Variants in FBN3 observed in about 807,000 individuals in gnomAD.
FBN3 encodes the protein fibrillin-3.
A neutral mutation model predicts 330.1 loss-of-function variants in FBN3; 234 were observed. The ratio of observed to expected loss-of-function variants is 0.71; its 90% CI spans 0.64 to 0.79. FBN3 has a LOEUF of 0.79. Among genes scored for constraint, FBN3 ranks in the 30% least tolerant of loss-of-function variants. The pLI, the probability that FBN3 is intolerant of heterozygous loss-of-function variation, is 0.00. For missense variants in FBN3, 3,606 were observed against 3,886.9 expected (o/e 0.93, Z 1.92); for synonymous variants, 1,458 against 1,517.3 (o/e 0.96, Z 0.91).
chr19:8,125,504 G>A (rs2082955848), intron 22 of FBN3, among the ~76,000 whole-genome samples: 1 of 151,994 alleles, frequency 6.6e-6, no homozygotes, highest in Non-Finnish European at 1.5e-5. Context: ...AATCTCTCCT[G>A]TTCAGGCCAG....
rs748512003 is a variant in FBN3, at chr19:8,087,833, A to G, written c.6611T>C (p.Met2204Thr). Residue 2204 changes from methionine to threonine, a missense_variant, in exon 53 of 64, where the codon ATG (methionine) becomes ACG (threonine). Physicochemically the swap from Met to Thr is moderately conservative, Grantham distance 81. Coordinates refer to ENST00000600128, the MANE Select transcript of FBN3 (RefSeq NM_032447.5). The stretch of plus-strand genomic sequence containing the variant: ...ATATTAGTCAGGCCTACCTCGACAC[A>G]TGGCCCCATCCTCCCGCAGGGTGTA... ...AGYTLREDGA[M>T]CRDVDECADG... The G allele has an allele frequency of 1.2e-6, 2 of 1,613,892 alleles. No homozygotes were observed. Among genetic ancestry groups the G allele is most frequent in the East Asian group, 2.2e-5 (1 of 44,862 alleles).
At chr19:8,145,653 C>A (rs970268521) in intron 5 of FBN3, among the ~76,000 whole-genome samples, 190 bp downstream of exon 5, 5 of 140,694 alleles carry the variant, frequency 3.6e-5, no homozygotes, top group Admixed American at 1.5e-4. Flanking sequence ...TGCACTCCAG[C>A]CTGAGTGACA....
At chr19:8,123,230 T>C (rs2082894784) in intron 24 of FBN3, among the ~76,000 whole-genome samples, 1 of 152,008 alleles carries the variant, frequency 6.6e-6, no homozygotes. Context: ...GGCACATGCC[T>C]GTAATCCCAG....
In FBN3 at chr19:8,146,841, C is replaced by T. The variant is rs1791457434; in HGVS notation, c.250+263G>A. ...AAGAAAAGAAACCAACAGAGAGAGA[C>T]ATGAGCAGAGATGAATAGAGAGAGG... is the stretch of plus-strand genomic sequence containing the variant. On this transcript the variant is annotated intron_variant, in intron 3 of 63. Transcript: ENST00000600128. Among the ~76,000 whole-genome samples, 5 of 147,914 alleles carry T rather than the reference C, an allele frequency of 3.4e-5. No homozygotes were observed. In the South Asian group the frequency reaches 9.0e-4, roughly 27 times the overall value.
In FBN3 at chr19:8,121,301, A is replaced by G; in HGVS notation, c.3168T>C (p.Phe1056=). The G allele has an allele frequency of 6.2e-7, 1 of 1,612,970 alleles. No individual in the cohort carries two copies. The highest frequency in any genetic ancestry group is 8.5e-7 in the Non-Finnish European group (1 of 1,179,386). ...GCATGAAGCCACTCTCGTAGCCGGG[A>G]AAACACTCGCACTCAAAGCTGCCCG... The part of the protein sequence containing the change: ...NTPGSFECEC[F]PGYESGFMLM... Residue 1056 remains phenylalanine, a synonymous_variant, in exon 25 of 64, where the codon TTT becomes TTC. Transcript: ENST00000600128. The surrounding 1 kb of genome is among the most constrained non-coding windows in gnomAD (Gnocchi z 4.5).
chr19:8,132,385 T>G (rs2083168876), intron 14 of FBN3, among the ~76,000 whole-genome samples: 1 of 151,916 alleles, frequency 6.6e-6, no homozygotes, highest in African/African-American at 2.4e-5. Flanking sequence ...CTGACTATGT[T>G]GCTCAGGCTG....
intron 3 of FBN3, among the ~76,000 whole-genome samples, chr19:8,146,593 G>C (rs2083551991): frequency 6.6e-6 from 1 of 151,584 alleles, no homozygotes; most frequent in African/African-American, 2.4e-5. Flanking sequence ...AGAAAGAGAG[G>C]GTGAGGCCAG....
In FBN3 at chr19:8,084,451, C is replaced by T. The variant is rs545642975; in HGVS notation, c.7087+912G>A. Among the ~76,000 whole-genome samples the T allele has an allele frequency of 5.9e-5, 9 of 151,956 alleles. No individual in the cohort carries two copies. The East Asian group carries it at 1.8e-3, about 30-fold the overall frequency. On this transcript the variant is annotated intron_variant, in intron 56 of 63. Transcript: ENST00000600128. The stretch of plus-strand genomic sequence containing the variant: ...TTTTGGGAGGCTGAGGTGGGCGGAT[C>T]ACTTGAGGCCAGGAGTTCGAGACCA...
At chr19:8,135,562 C>CTT (rs143079189) in intron 13 of FBN3, among the ~76,000 whole-genome samples, 18 of 146,350 alleles carry the variant, frequency 1.2e-4, no homozygotes, top group East Asian at 8.0e-4. Flanking sequence ...ACTCGGACTT[C>CTT]TTTTTTTTTT....
Position 8,072,216 on chromosome 19 carries a change from G to A in FBN3, c.7938-18C>T. 6.6e-7 allele frequency: 1 copy of A among 1,508,220 alleles called. No individual in the cohort carries two copies. The highest frequency in any genetic ancestry group is 1.3e-5 in the South Asian group (1 of 77,202). 93.4% of individuals were successfully genotyped at this position (1,508,220 alleles called of 1,614,324 possible). ...CACAGTGCCTGGGCCAGGATGGGCA[G>A]GGTGGAGGGGTTTCAGAGGCGGGCT... On this transcript the variant is annotated intron_variant, in intron 62 of 63. Coordinates refer to ENST00000600128, the MANE Select transcript of FBN3 (RefSeq NM_032447.5).
At position 8,065,726 on chromosome 19, in the gene FBN3, T is replaced by C; in HGVS notation, c.*193A>G. The C allele has an allele frequency of 1.7e-6, 1 of 571,460 alleles. No homozygotes were observed. The highest frequency in any genetic ancestry group is 3.1e-6 in the Non-Finnish European group (1 of 324,766). 35.4% of individuals were successfully genotyped at this position (571,460 alleles called of 1,614,324 possible). On this transcript the variant is annotated 3_prime_UTR_variant, in exon 64 of 64. Transcript: ENST00000600128. ...CTTGCTGTCTCCAGGAAAGACTGAG[T>C]AACTGGGGGGCCCCCGGGGCTGGCA...
chr19:8,109,247 AG>A lies in FBN3; in HGVS notation c.4597del (p.Leu1533CysfsTer116), dbSNP rs763205145. 8.1e-6 allele frequency: 13 copies of A among 1,614,022 alleles called. No individual in the cohort carries two copies. In the African/African-American group the frequency reaches 1.3e-4, roughly 17 times the overall value. On this transcript the variant is annotated frameshift_variant, in exon 36 of 64. Transcript: ENST00000600128. LOFTEE classifies it high-confidence loss of function. The surrounding 1 kb of genome is among the most constrained non-coding windows in gnomAD (Gnocchi z 5.2). ...CTCACTGGTGTTGGCCATAGGGCAC[AG>A]CTCACAGGGATTGCCCCAAGCCCGG... is the stretch of plus-strand genomic sequence containing the variant. ...LGRAWGNPCE[L>X]CPMANTTEYR...
chr19:8,128,629 T>G (rs1251607350), intron 18 of FBN3, among the ~76,000 whole-genome samples: 2 of 151,972 alleles, frequency 1.3e-5, no homozygotes, highest in Non-Finnish European at 2.9e-5. Flanking sequence ...AGTGTGTATG[T>G]GTGAATGTAG....
In FBN3 at chr19:8,096,549, T is replaced by C. The variant is rs115948457; in HGVS notation, c.5434A>G (p.Ile1812Val). 702 of 1,613,150 alleles carry C rather than the reference T, an allele frequency of 4.4e-4. 2 individuals are homozygous for C. The African/African-American group carries it at 7.9e-3, about 18-fold the overall frequency. The change falls in exon 44 of 64, where the codon ATC becomes GTC. Residue 1812 changes from isoleucine to valine, a missense_variant. Coordinates refer to ENST00000600128, the MANE Select transcript of FBN3 (RefSeq NM_032447.5). The surrounding 1 kb of genome is among the most constrained non-coding windows in gnomAD (Gnocchi z 4.6). The stretch of plus-strand genomic sequence containing the variant: ...TCACCATGGCTACAGACATTCGGGA[T>C]CTCCCGACACTCATTCCGTCCTGGG... ...ACVGRNECRE[I>V]PNVCSHGDCM...
intron 63 of FBN3, among the ~76,000 whole-genome samples, chr19:8,066,521 C>T (rs955025026): frequency 6.6e-6 from 1 of 152,100 alleles, no homozygotes; most frequent in Non-Finnish European, 1.5e-5. Context: ...AAATTGCATA[C>T]CCATGGACAT....
chr19:8,123,641 T>A (rs746502647), intron 23 of FBN3, 52 bp from the exon 24 acceptor site: 22 of 1,608,874 alleles, frequency 1.4e-5, no homozygotes, highest in Non-Finnish European at 1.8e-5. Flanking sequence ...TCAGGATCCA[T>A]ACACCAAGCC....
In FBN3 at chr19:8,149,331, C is replaced by G. The variant is rs1418352453; in HGVS notation, c.-18+118G>C. 1 of 151,810 alleles carries G rather than the reference C, an allele frequency of 6.6e-6. No individual in the cohort carries two copies. Among genetic ancestry groups the G allele is most frequent in the Non-Finnish European group, 1.5e-5 (1 of 67,924 alleles). The allele number at this position is 151,810 out of a possible 1,614,324, so 9.4% of individuals were successfully genotyped here. A position where few individuals can be genotyped will look rare whatever the true frequency, so the allele number is the denominator to read the frequency against. ...GGGGAGGGGGCTGGGCCCGGGGCTG[C>G]CCGGCTGCGAACAAAGGAATCCTCT... On this transcript the variant is annotated intron_variant, in intron 1 of 63. Transcript: ENST00000600128. This position sits in a 1 kb window ranked among gnomAD's most constrained non-coding sequence, Gnocchi z 5.5.
In FBN3 at chr19:8,131,559, TC is replaced by T; in HGVS notation, c.1984del (p.Asp662ThrfsTer115). The part of the protein sequence containing the change: ...GEPCQLCPAK[D>X]SAEFQALCSS... ...CCGGGCAGCCGGATGCTCACCGGAG[TC>T]TTTGGCAGGACAAAGCTGGCAGGGC... On this transcript the variant is annotated frameshift_variant, in exon 15 of 64. Transcript: ENST00000600128. LOFTEE classifies it high-confidence loss of function. The surrounding 1 kb of genome is among the most constrained non-coding windows in gnomAD (Gnocchi z 4.5). The T allele has an allele frequency of 6.2e-7, 1 of 1,603,808 alleles. No individual in the cohort carries two copies. Among genetic ancestry groups the T allele is most frequent in the Non-Finnish European group, 8.5e-7 (1 of 1,173,138 alleles).
At chr19:8,141,679 C>G in intron 8 of FBN3, 38 bp downstream of exon 8, 1 of 1,588,400 alleles carries the variant, frequency 6.3e-7, no homozygotes, top group Non-Finnish European at 8.6e-7. Context: ...TCATGAGTCA[C>G]AGAGGAGGTC....
Sources: gnomAD v4.1 joint callset for allele counts (sites outside exome capture counted in the v4.1 genomes callset) on GRCh38, gnomAD v4.1.1 for gene constraint, Gnocchi (gnomAD v3.1) non-coding constraint, MANE v1.5 for transcripts, NCBI Gene and HGNC (gene_info 2026-07-23, HGNC 2026-07-21) for gene names.